The following GTF3C1 variants were observed in gnomAD, a reference collection of about 807,000 sequenced individuals.
GTF3C1 encodes general transcription factor 3C polypeptide 1.
In GTF3C1, 57 loss-of-function variants were observed where a neutral mutation model predicts 226.7. The ratio of observed to expected loss-of-function variants is 0.25; its 90% CI spans 0.20 to 0.31. The LOEUF (loss-of-function observed/expected upper bound fraction) is 0.31. Ranked by LOEUF, GTF3C1 falls within the 10% of genes least tolerant of loss-of-function variation. GTF3C1 has a pLI of 1.00. For missense variants in GTF3C1, 2,217 were observed against 2,776.1 expected, an observed-to-expected ratio of 0.80 and a Z score of 4.53; for synonymous variants, 1,090 against 1,084.8, an observed-to-expected ratio of 1.00 and a Z score of -0.09.
At chr16:27,476,410 G>A (rs1241723939) in intron 29 of GTF3C1, 41 bp downstream of exon 29, 1 of 1,281,216 alleles carries the variant, frequency 7.8e-7, no homozygotes, top group African/African-American at 1.5e-5. Context: ...GCCTCGGAAG[G>A]GCCCACATCC....
At chr16:27,496,988 G>A (rs1047979119) in intron 14 of GTF3C1, among the ~76,000 whole-genome samples, 2 of 152,250 alleles carry the variant, frequency 1.3e-5, no homozygotes, top group African/African-American at 4.8e-5. Flanking sequence ...GCAGCCCTAG[G>A]AAAGGGAAGT....
At position 27,477,006 on chromosome 16, in the gene GTF3C1, G is replaced by A. The variant is rs189133063; in HGVS notation, c.4260-462C>T. On this transcript the variant is annotated intron_variant, in intron 28 of 36. Coordinates refer to ENST00000356183, the MANE Select transcript of GTF3C1 (RefSeq NM_001520.4). ...TTTCCTCAACCTACCTTAAGGCTTG[G>A]CCAGTGATATTCAAGGCTAGGGGGT... Among the ~76,000 whole-genome samples the A allele has an allele frequency of 9.2e-5, 14 of 152,302 alleles. No individual in the cohort carries two copies. In the East Asian group the frequency reaches 2.7e-3, roughly 29 times the overall value.
In GTF3C1 at chr16:27,514,688, G is replaced by A. The variant is rs139796654; in HGVS notation, c.974-2787C>T. ...AGGCTCCCCGTGTACCCTATGAACT[G>A]ACCCTCACCATGGCCTGAGGAGGTA... On this transcript the variant is annotated intron_variant, in intron 6 of 36. Transcript: ENST00000356183. 5.9e-5 allele frequency among the ~76,000 whole-genome samples: 9 copies of A among 152,226 alleles called. No individual in the cohort carries two copies. The East Asian group carries it at 1.5e-3, about 26-fold the overall frequency.
intron 2 of GTF3C1, among the ~76,000 whole-genome samples, chr16:27,541,387 T>G (rs1373284595): frequency 2.0e-5 from 3 of 152,140 alleles, no homozygotes; most frequent in African/African-American, 7.2e-5. Flanking sequence ...GAGTTCAGAT[T>G]CTATAACATG....
At chr16:27,517,396 T>C (rs745798232) in intron 6 of GTF3C1, among the ~76,000 whole-genome samples, 14 of 152,316 alleles carry the variant, frequency 9.2e-5, no homozygotes, top group Non-Finnish European at 1.8e-4. Flanking sequence ...GCGCACGTCA[T>C]CCAGGGTGAG....
intron 10 of GTF3C1, 140 bp downstream of exon 10, chr16:27,505,759 C>T (rs2088474776): frequency 1.6e-6 from 1 of 630,050 alleles, no homozygotes; most frequent in East Asian, 2.7e-5. Context: ...GAGCTACTGC[C>T]TGGGAAGCAC....
chr16:27,495,968 T>C lies in GTF3C1; in HGVS notation c.2351-476A>G, dbSNP rs534200931. 3.9e-5 allele frequency among the ~76,000 whole-genome samples: 6 copies of C among 152,274 alleles called. No individual in the cohort carries two copies. The East Asian group carries it at 1.2e-3, about 29-fold the overall frequency. On this transcript the variant is annotated intron_variant, in intron 14 of 36. Transcript: ENST00000356183. ...AACCAACAAGGAGGGTGGGAAGGCTTGGATGCCCCTCCACATCTCATGTTG... is the reference window on the plus strand; with the variant it reads ...AACCAACAAGGAGGGTGGGAAGGCTCGGATGCCCCTCCACATCTCATGTTG...
In GTF3C1 at chr16:27,492,449, G is replaced by A; in HGVS notation, c.3040C>T (p.Leu1014=). Residue 1014 remains leucine, a synonymous_variant, in exon 19 of 37, where the codon CTG becomes TTG. Transcript: ENST00000356183. The surrounding 1 kb of genome is among the most constrained non-coding windows in gnomAD (Gnocchi z 5.0). ...DTTICDPHYN[L]ARSSRPFERR... ...TCGAAGGGCCGGCTGCTGCGGGCCA[G>A]GTTGTAATGTGGGTCGCAGATGGTA... 3.1e-6 allele frequency: 5 copies of A among 1,611,704 alleles called. No homozygotes were observed. Among genetic ancestry groups the A allele is most frequent in the Middle Eastern group, 1.7e-4 (1 of 6,044 alleles).
Position 27,461,193 on chromosome 16 carries a change from G to A in GTF3C1, c.*157C>T, listed in dbSNP as rs1258554871. ...CCTCTTTCCAGAGTTCCAGTACAGT[G>A]GGAAACGTGTCAGTCTGTGACTCTG... On this transcript the variant is annotated 3_prime_UTR_variant, in exon 37 of 37. Transcript: ENST00000356183. The surrounding 1 kb of genome is among the most constrained non-coding windows in gnomAD (Gnocchi z 5.3). 6.7e-6 allele frequency: 4 copies of A among 594,416 alleles called. No homozygotes were observed. The highest frequency in any genetic ancestry group is 1.2e-5 in the Non-Finnish European group (4 of 332,812). The allele number at this position is 594,416 out of a possible 1,614,324, so 36.8% of individuals were successfully genotyped here.
chr16:27,488,406 C>T lies in GTF3C1; in HGVS notation c.3521G>A (p.Arg1174Lys), dbSNP rs752402137. ...PMPLSARGNSRLNIWGEARVG... is the reference protein window; with the variant it reads ...PMPLSARGNSKLNIWGEARVG... ...TCTTGCTTCCCCCCAAATATTCAAC[C>T]TGCTGTTGCCTAGACATAATCACAG... is the stretch of plus-strand genomic sequence containing the variant. The change falls in exon 23 of 37, where the codon AGG becomes AAG. Residue 1174 changes from arginine (R) to lysine (K), a missense_variant. Around this residue, in one of 12 missense-constraint regions of GTF3C1, gnomAD observed 546 missense variants for 663.0 expected, o/e 0.82. Transcript: ENST00000356183. 6.2e-7 allele frequency: 1 copy of T among 1,610,996 alleles called. No homozygotes were observed. Among genetic ancestry groups the T allele is most frequent in the East Asian group, 2.2e-5 (1 of 44,856 alleles).
At position 27,469,077 on chromosome 16, in the gene GTF3C1, G is replaced by A. The variant is rs150511120; in HGVS notation, c.5074+214C>T. Among the ~76,000 whole-genome samples the A allele has an allele frequency of 4.1e-4, 62 of 152,354 alleles. 1 individual carries two copies. Among genetic ancestry groups the A allele is most frequent in the African/African-American group, 9.4e-4 (39 of 41,584 alleles). ...CAGCTGTGACTAAAAGAGGCGGTGC[G>A]GGGAGCTTTCCCACAGAGGTGTGGG... On this transcript the variant is annotated intron_variant, in intron 32 of 36. Transcript: ENST00000356183. The surrounding 1 kb of genome is among the most constrained non-coding windows in gnomAD (Gnocchi z 4.5).
chr16:27,531,592 G>C (rs2088918084), intron 5 of GTF3C1, among the ~76,000 whole-genome samples: 1 of 152,218 alleles, frequency 6.6e-6, no homozygotes, highest in South Asian at 2.1e-4. Flanking sequence ...TCTTATTGTG[G>C]AACACAGTTC....
chr16:27,470,599 A>G lies in GTF3C1; in HGVS notation c.4527-204T>C. The G allele has an allele frequency of 1.7e-6, 1 of 574,014 alleles. No individual in the cohort carries two copies. The allele number at this position is 574,014 out of a possible 1,614,324, so 35.6% of individuals were successfully genotyped here. A position where few individuals can be genotyped will look rare whatever the true frequency, so the allele number is the denominator to read the frequency against. ...TGTGTCTCTCTTCCCCGCTTGCCTG[A>G]GTACCTTCCGGGCAGAGTCCTGTCT... is the stretch of plus-strand genomic sequence containing the variant. On this transcript the variant is annotated intron_variant, in intron 30 of 36. Transcript: ENST00000356183. The surrounding 1 kb of genome is among the most constrained non-coding windows in gnomAD (Gnocchi z 4.9).
chr16:27,537,702 C>A, intron 4 of GTF3C1, 82 bp downstream of exon 4: 1 of 977,604 alleles, frequency 1.0e-6, no homozygotes, highest in South Asian at 1.6e-5. Flanking sequence ...GCCACTGTAC[C>A]CAGCTGCCCC....
intron 5 of GTF3C1, among the ~76,000 whole-genome samples, chr16:27,529,106 T>TC (rs2088876240): frequency 6.6e-6 from 1 of 151,626 alleles, no homozygotes; most frequent in Admixed American, 6.6e-5. Flanking sequence ...CACACCCCTG[T>TC]CCCCCATGGG....
chr16:27,497,521 C>CCAGCCCACA (rs1375828563), intron 14 of GTF3C1, 116 bp downstream of exon 14: 7 of 772,258 alleles, frequency 9.1e-6, no homozygotes, highest in Non-Finnish European at 1.5e-5. Flanking sequence ...ACAGCTCAGA[C>CCAGCCCACA]GCGATTCTTC....
chr16:27,470,410 AAAGG>A lies in GTF3C1; in HGVS notation c.4527-19_4527-16del. The A allele has an allele frequency of 6.2e-7, 1 of 1,609,222 alleles. No homozygotes were observed. Among genetic ancestry groups the A allele is most frequent in the Non-Finnish European group, 8.5e-7 (1 of 1,176,954 alleles). On this transcript the variant is annotated splice_polypyrimidine_tract_variant and intron_variant, in intron 30 of 36. Transcript: ENST00000356183. The surrounding 1 kb of genome is among the most constrained non-coding windows in gnomAD (Gnocchi z 4.9). The stretch of plus-strand genomic sequence containing the variant: ...ACGTAAAAATCCTACAGACAAAAAG[AAAGG>A]AAGGGCCTGACTGAGGGCCAGCTGT...
At position 27,511,736 on chromosome 16, in the gene GTF3C1, G is replaced by A. The variant is rs1406689715; in HGVS notation, c.1126+13C>T. The A allele has an allele frequency of 5.0e-6, 8 of 1,613,480 alleles. No individual in the cohort carries two copies. In the East Asian group the frequency reaches 1.3e-4, roughly 27 times the overall value. The stretch of plus-strand genomic sequence containing the variant: ...GGGATCCATATCCAAGCTGGCATGG[G>A]AACAAGACTTACTGAGGTCGTAGGT... On this transcript the variant is annotated intron_variant, in intron 7 of 36. Coordinates refer to ENST00000356183, the MANE Select transcript of GTF3C1 (RefSeq NM_001520.4).
intron 3 of GTF3C1, 51 bp from the exon 4 acceptor site, chr16:27,537,978 T>C (rs780894568): frequency 1.3e-6 from 2 of 1,580,932 alleles, no homozygotes; most frequent in South Asian, 1.1e-5. Context: ...GTTTTATCAA[T>C]GTATAGAGTC....
Sources: gnomAD v4.1 joint callset for allele counts (sites outside exome capture counted in the v4.1 genomes callset) on GRCh38, gnomAD v4.1.1 for gene constraint, gnomAD v4.1.1 regional missense constraint, Gnocchi (gnomAD v3.1) non-coding constraint, MANE v1.5 for transcripts, NCBI Gene and HGNC (gene_info 2026-07-23, HGNC 2026-07-21) for gene names.